GBF1: variants seen among roughly 807,000 people sequenced by gnomAD.
GBF1 encodes Golgi-specific brefeldin A-resistance guanine nucleotide exchange factor 1.
In GBF1, 114 loss-of-function variants were observed where a neutral mutation model predicts 210.5. The observed-to-expected ratio is 0.54, with a 90% CI of 0.47 to 0.63. The LOEUF (loss-of-function observed/expected upper bound fraction) is 0.63. Ranked by LOEUF, GBF1 falls within the 30% of genes least tolerant of loss-of-function variation. The probability of loss-of-function intolerance (pLI) is 0.00; values close to 1 mark genes in which losing one functional copy is unlikely to be tolerated. For missense variants in GBF1, 1,851 were observed against 2,357.7 expected, an observed-to-expected ratio of 0.79 and a Z score of 4.45; for synonymous variants, 850 against 889.2, an observed-to-expected ratio of 0.96 and a Z score of 0.78.
At chr10:102,309,287 TG>T (rs1477743883) in intron 3 of GBF1, among the ~76,000 whole-genome samples, 1 of 152,238 alleles carries the variant, frequency 6.6e-6, no homozygotes, top group Non-Finnish European at 1.5e-5. Context: ...CAGCTTGTCT[TG>T]GGACTTCCTT....
chr10:102,349,416 C>A (rs2058785631), intron 4 of GBF1, among the ~76,000 whole-genome samples: 1 of 151,924 alleles, frequency 6.6e-6, no homozygotes, highest in Non-Finnish European at 1.5e-5. Context: ...CCTGTAATCC[C>A]AGCTACTCAG....
chr10:102,357,924 C>CAAAGATATG, intron 8 of GBF1, 115 bp from the exon 9 acceptor site: 1 of 741,948 alleles, frequency 1.3e-6, no homozygotes, highest in Non-Finnish European at 2.3e-6. Context: ...CTTACTTTAG[C>CAAAGATATG]AAAGATATGG....
chr10:102,261,725 G>A (rs1035479439), intron 3 of GBF1, among the ~76,000 whole-genome samples: 1 of 149,844 alleles, frequency 6.7e-6, no homozygotes, highest in Non-Finnish European at 1.5e-5. Flanking sequence ...AGATTCAAGC[G>A]ATTTTCGTGC....
intron 4 of GBF1, among the ~76,000 whole-genome samples, chr10:102,349,239 A>G (rs1328645675): frequency 1.3e-5 from 2 of 151,956 alleles, no homozygotes; most frequent in Non-Finnish European, 2.9e-5. Context: ...AGGTACCAAG[A>G]AAGAGAAAAT....
At chr10:102,256,718 C>T (rs1043125432) in intron 1 of GBF1, among the ~76,000 whole-genome samples, 9 of 152,140 alleles carry the variant, frequency 5.9e-5, no homozygotes, top group African/African-American at 2.2e-4. Context: ...TGGGTTTCAC[C>T]ATGTTGGCCA....
At position 102,369,857 on chromosome 10, in the gene GBF1, A is replaced by G. The variant is rs200984505; in HGVS notation, c.3216-4A>G. The G allele has an allele frequency of 1.7e-5, 28 of 1,614,078 alleles. No individual in the cohort carries two copies. In the African/African-American group the frequency reaches 3.5e-4, roughly 20 times the overall value. On this transcript the variant is annotated splice_region_variant and splice_polypyrimidine_tract_variant and intron_variant, in intron 25 of 39. Coordinates refer to ENST00000369983, the MANE Select transcript of GBF1 (RefSeq NM_001377137.1). Reference sequence around the variant, plus strand: ...TCACCAGGCCATGTGCCCTTTTTCTACAGAGGAGAGTCAACAGTGCTGAGC... The same window carrying G: ...TCACCAGGCCATGTGCCCTTTTTCTGCAGAGGAGAGTCAACAGTGCTGAGC...
At chr10:102,321,177 T>C (rs913126634) in intron 3 of GBF1, among the ~76,000 whole-genome samples, 4 of 152,188 alleles carry the variant, frequency 2.6e-5, no homozygotes, top group African/African-American at 9.7e-5. Context: ...AACTTATAAT[T>C]AGTCACAATT....
Position 102,363,051 on chromosome 10 carries a change from A to G in GBF1, c.1877-205A>G, listed in dbSNP as rs994588809. 1.3e-5 allele frequency among the ~76,000 whole-genome samples: 2 copies of G among 152,176 alleles called. No homozygotes were observed. The highest frequency in any genetic ancestry group is 6.5e-5 in the Admixed American group (1 of 15,274). On this transcript the variant is annotated intron_variant, in intron 15 of 39. Coordinates refer to ENST00000369983, the MANE Select transcript of GBF1 (RefSeq NM_001377137.1). This position sits in a 1 kb window ranked among gnomAD's most constrained non-coding sequence, Gnocchi z 4.2. ...AGGTTGCAGAAGATCAGGGAAAGTG[A>G]CTGGGTAATCTCTTCATTAAATTAG...
rs112304754 is a variant in GBF1 at position 102,343,504 on chromosome 10, CTGTT to C, written c.164-542_164-539del. 5.7e-4 allele frequency among the ~76,000 whole-genome samples: 87 copies of C among 152,240 alleles called. 1 individual carries two copies. The highest frequency in any genetic ancestry group is 2.0e-3 in the African/African-American group (85 of 41,534). On this transcript the variant is annotated intron_variant, in intron 3 of 39. Coordinates refer to ENST00000369983, the MANE Select transcript of GBF1 (RefSeq NM_001377137.1). ...TATAATGCAAAATTTACCATTTTAACTGTTTGTTAACTCTTTAAGCATAATATTG... is the reference window on the plus strand; with the variant it reads ...TATAATGCAAAATTTACCATTTTAACTGTTAACTCTTTAAGCATAATATTG...
Position 102,251,723 on chromosome 10 carries a change from T to A in GBF1, c.-11+5942T>A, listed in dbSNP as rs189340809. Among the ~76,000 whole-genome samples, 539 of 152,066 alleles carry A rather than the reference T, an allele frequency of 3.5e-3. 10 individuals carry two copies. Among genetic ancestry groups the A allele is most frequent in the Admixed American group, 0.026 (404 of 15,282 alleles). On this transcript the variant is annotated intron_variant, in intron 1 of 39. Transcript: ENST00000369983. ...TGTGCGCCACCACACCTGGCCAATT[T>A]TTCTTTATGTTTTGTAGAGACAGGG...
intron 3 of GBF1, among the ~76,000 whole-genome samples, chr10:102,302,812 C>T (rs1157199854): frequency 6.6e-6 from 1 of 152,010 alleles, no homozygotes; most frequent in Non-Finnish European, 1.5e-5. Context: ...GGATCAAAGC[C>T]AGGAGGGATG....
chr10:102,233,820 A>T, the GBF1 span, among the ~76,000 whole-genome samples: 1 of 152,046 alleles, frequency 6.6e-6, no homozygotes, highest in Non-Finnish European at 1.5e-5. Flanking sequence ...TCCTACTCAT[A>T]CTTCCTTTCC....
intron 3 of GBF1, among the ~76,000 whole-genome samples, chr10:102,261,545 A>G (rs1328738144): frequency 6.6e-6 from 1 of 152,010 alleles, no homozygotes; most frequent in Non-Finnish European, 1.5e-5. Flanking sequence ...TGGAGAAAAA[A>G]TCTATTTTAC....
chr10:102,294,526 C>T (rs575602930), intron 3 of GBF1, among the ~76,000 whole-genome samples: 295 of 151,836 alleles, frequency 1.9e-3, no homozygotes, highest in African/African-American at 6.8e-3. Context: ...GGACTACAGG[C>T]GCCTGTCACC....
chr10:102,266,541 G>C (rs2073891230), intron 3 of GBF1, among the ~76,000 whole-genome samples: 2 of 152,148 alleles, frequency 1.3e-5, no homozygotes, highest in African/African-American at 4.8e-5. Flanking sequence ...CTAACATTTT[G>C]TAGCCTCTAC....
the GBF1 span, among the ~76,000 whole-genome samples, chr10:102,236,361 C>G: frequency 6.6e-6 from 1 of 152,226 alleles, no homozygotes; most frequent in East Asian, 1.9e-4. Context: ...CAGAAGATAA[C>G]AGTGATGGTG....
chr10:102,233,359 A>G, the GBF1 span, among the ~76,000 whole-genome samples: 2 of 131,372 alleles, frequency 1.5e-5, no homozygotes, highest in Admixed American at 9.2e-5. Context: ...GCTGGAGTGC[A>G]GTGGTATGAT....
At chr10:102,268,623 T>G (rs1280136766) in intron 3 of GBF1, among the ~76,000 whole-genome samples, 1 of 152,134 alleles carries the variant, frequency 6.6e-6, no homozygotes, top group African/African-American at 2.4e-5. Context: ...CAGAGTCCCT[T>G]CCTGCTTTTC....
chr10:102,351,255 G>T lies in GBF1; in HGVS notation c.296-1G>T, dbSNP rs770630479. 6.5e-7 allele frequency: 1 copy of T among 1,529,930 alleles called. No homozygotes were observed. Among genetic ancestry groups the T allele is most frequent in the Non-Finnish European group, 9.1e-7 (1 of 1,103,426 alleles). 94.8% of individuals were successfully genotyped at this position (1,529,930 alleles called of 1,614,324 possible). On this transcript the variant is annotated splice_acceptor_variant, in intron 4 of 39. Transcript: ENST00000369983. LOFTEE classifies it high-confidence loss of function. ...TAATCTTTCCTTTTTCGCTGGAGCAGATCCCACCCATGAGGGCACAGCAGA... is the reference window on the plus strand; with the variant it reads ...TAATCTTTCCTTTTTCGCTGGAGCATATCCCACCCATGAGGGCACAGCAGA...
Sources: allele counts gnomAD v4.1 joint callset (sites outside exome capture counted in the v4.1 genomes callset), GRCh38; gene constraint gnomAD v4.1.1; non-coding constraint Gnocchi (gnomAD v3.1); transcripts MANE v1.5; gene names NCBI Gene and HGNC (gene_info 2026-07-23, HGNC 2026-07-21).